ZDHHC21: variants seen among roughly 807,000 people sequenced by gnomAD.
ZDHHC21 encodes zDHHC palmitoyltransferase 21.
In ZDHHC21, 15 loss-of-function variants were observed where a neutral mutation model predicts 34.6. The observed-to-expected ratio is 0.43, with a 90% CI of 0.29 to 0.67. The LOEUF (loss-of-function observed/expected upper bound fraction) is 0.67, where lower values mean the gene tolerates loss of function less well. ZDHHC21 is among the 30% of genes least tolerant of loss of function. The probability of loss-of-function intolerance (pLI) is 0.14; values close to 1 mark genes in which losing one functional copy is unlikely to be tolerated. For synonymous variants in ZDHHC21, 142 were observed against 101.8 expected (o/e 1.40, Z -2.38); for missense variants, 344 against 327.7 (o/e 1.05, Z -0.38).
intron 5 of ZDHHC21, among the ~76,000 whole-genome samples, chr9:14,662,586 T>C (rs1239046273): frequency 6.6e-6 from 1 of 152,178 alleles, no homozygotes; most frequent in African/African-American, 2.4e-5. Context: ...CAGAAAACAA[T>C]GTATTTGGAT....
chr9:14,619,791 A>T (rs1824960242), intron 8 of ZDHHC21, 109 bp from the exon 9 acceptor site: 1 of 643,538 alleles, frequency 1.6e-6, no homozygotes, highest in South Asian at 2.8e-5. Context: ...CTATAGATTT[A>T]AACAGTTTAT....
chr9:14,599,743 C>T, the ZDHHC21 span, among the ~76,000 whole-genome samples: 1 of 152,088 alleles, frequency 6.6e-6, no homozygotes, highest in African/African-American at 2.4e-5. Context: ...CTGAAGTCAA[C>T]CTGGGATGCT....
chr9:14,672,047 T>C (rs1048404334), intron 5 of ZDHHC21, among the ~76,000 whole-genome samples: 2 of 152,128 alleles, frequency 1.3e-5, no homozygotes, highest in African/African-American at 4.8e-5. Flanking sequence ...AAATGGAACA[T>C]TTCCTTATAT....
chr9:14,612,680 ATCTCTCTCTCTG>A lies in ZDHHC21; in HGVS notation c.*6274_*6285del, dbSNP rs760459691. 4 of 151,422 alleles carry A rather than the reference ATCTCTCTCTCTG, an allele frequency of 2.6e-5. No homozygotes were observed. Among genetic ancestry groups the A allele is most frequent in the African/African-American group, 9.7e-5 (4 of 41,372 alleles). 9.4% of individuals were successfully genotyped at this position (151,422 alleles called of 1,614,324 possible). On this transcript the variant is annotated 3_prime_UTR_variant, in exon 10 of 10. Transcript: ENST00000380916. ...CATATGCATTTCCTCTTGGGAAAGC[ATCTCTCTCTCTG>A]TCTCTCTCTCTGTCTGTCTGTCTCT...
At chr9:14,690,586 T>C (rs1049150182) in intron 1 of ZDHHC21, among the ~76,000 whole-genome samples, 6 of 152,156 alleles carry the variant, frequency 3.9e-5, no homozygotes, top group East Asian at 1.9e-4. Context: ...CTGAGAGAAA[T>C]AGCACAGAGG....
At position 14,662,321 on chromosome 9, in the gene ZDHHC21, C is replaced by T. The variant is rs61758381; in HGVS notation, c.259G>A (p.Glu87Lys). Reference sequence around the variant, plus strand: ...CACTTGTTACATAATTCCCAGAACTCCCTTTCTAAAGAAAAGAAATTAAAA... The same window carrying T: ...CACTTGTTACATAATTCCCAGAACTTCCTTTCTAAAGAAAAGAAATTAAAA... ...ENPKIPHGER[E>K]FWELCNKCNL... Residue 87 changes from glutamate to lysine, a missense_variant, in exon 6 of 10, where the codon GAG (glutamate) becomes AAG (lysine). Transcript: ENST00000380916. The T allele has an allele frequency of 2.5e-3, 4,079 of 1,603,058 alleles. 7 individuals carry two copies. The highest frequency in any genetic ancestry group is 3.1e-3 in the Non-Finnish European group (3,640 of 1,176,190).
At chr9:14,662,348 C>T in intron 5 of ZDHHC21, 22 bp from the exon 6 acceptor site, 1 of 1,568,396 alleles carries the variant, frequency 6.4e-7, no homozygotes, top group Non-Finnish European at 8.7e-7. Context: ...AAATTAAAAT[C>T]CATTTAATGA....
the ZDHHC21 span, among the ~76,000 whole-genome samples, chr9:14,600,660 C>G: frequency 6.6e-6 from 1 of 151,804 alleles, no homozygotes; most frequent in East Asian, 1.9e-4. Context: ...TTAAATTTCA[C>G]ATGGAACAAA....
At position 14,674,329 on chromosome 9, in the gene ZDHHC21, C is replaced by T. The variant is rs889158876; in HGVS notation, c.12G>A (p.Arg4=). 6.3e-7 allele frequency: 1 copy of T among 1,593,868 alleles called. No homozygotes were observed. Among genetic ancestry groups the T allele is most frequent in the Non-Finnish European group, 8.5e-7 (1 of 1,172,280 alleles). MGL[R]IHFVVDPHGW... is the part of the protein sequence containing the mutation. ...CATGTGGGTCAACAACAAAGTGAATCCGGAGACCCATTTTGCAATCTTATA... is the reference window on the plus strand; with the variant it reads ...CATGTGGGTCAACAACAAAGTGAATTCGGAGACCCATTTTGCAATCTTATA... Residue 4 remains arginine, a synonymous_variant, in exon 4 of 10, where the codon CGG becomes CGA. Transcript: ENST00000380916.
At chr9:14,591,204 T>C in the ZDHHC21 span, among the ~76,000 whole-genome samples, 3 of 152,138 alleles carry the variant, frequency 2.0e-5, no homozygotes, top group Non-Finnish European at 2.9e-5. Context: ...TAGAACACTA[T>C]AATTTGAATG....
chr9:14,623,613 C>T (rs532245902), intron 8 of ZDHHC21, among the ~76,000 whole-genome samples: 1 of 138,750 alleles, frequency 7.2e-6, no homozygotes, highest in African/African-American at 2.7e-5. Flanking sequence ...GGTTAATACC[C>T]AGAATACATA....
At chr9:14,623,500 G>C (rs1825671254) in intron 8 of ZDHHC21, among the ~76,000 whole-genome samples, 1 of 151,744 alleles carries the variant, frequency 6.6e-6, no homozygotes, top group Non-Finnish European at 1.5e-5. Context: ...CTGCACTCCA[G>C]CTTAGGTGAT....
chr9:14,611,529 A>C lies in ZDHHC21; in HGVS notation c.*7437T>G, dbSNP rs570322086. ...ATCTATACATATTATGTACTGAATA[A>C]TAAAATGCCTGACAAATTTAAAAAC... On this transcript the variant is annotated 3_prime_UTR_variant, in exon 10 of 10. Coordinates refer to ENST00000380916, the MANE Select transcript of ZDHHC21 (RefSeq NM_178566.6). 1 of 152,174 alleles carries C rather than the reference A, an allele frequency of 6.6e-6. No individual in the cohort carries two copies. Among genetic ancestry groups the C allele is most frequent in the East Asian group, 1.9e-4 (1 of 5,172 alleles). 9.4% of individuals were successfully genotyped at this position (152,174 alleles called of 1,614,324 possible). A position where few individuals can be genotyped will look rare whatever the true frequency, so the allele number is the denominator to read the frequency against.
At chr9:14,662,083 T>C in intron 6 of ZDHHC21, 132 bp downstream of exon 6, 3 of 536,564 alleles carry the variant, frequency 5.6e-6, no homozygotes, top group Non-Finnish European at 9.3e-6. Context: ...ATAATCTAAA[T>C]AAAGATATCC....
At chr9:14,604,862 A>G in the ZDHHC21 span, among the ~76,000 whole-genome samples, 2 of 152,120 alleles carry the variant, frequency 1.3e-5, no homozygotes, top group African/African-American at 4.8e-5. Context: ...TACCTTTTGA[A>G]CAGCAGTTCC....
rs1586838021 is a variant in ZDHHC21, at chr9:14,612,608, T to C, written c.*6358A>G. ...AGTAACCATATCCAGACTTTTTTCT[T>C]TCATTAAGTTCAATTTTCTGTTATC... On this transcript the variant is annotated 3_prime_UTR_variant, in exon 10 of 10. Transcript: ENST00000380916. 1 of 151,888 alleles carries C rather than the reference T, an allele frequency of 6.6e-6. No homozygotes were observed. Among genetic ancestry groups the C allele is most frequent in the East Asian group, 1.9e-4 (1 of 5,188 alleles). 9.4% of individuals were successfully genotyped at this position (151,888 alleles called of 1,614,324 possible).
At chr9:14,663,084 T>C (rs983682368) in intron 5 of ZDHHC21, among the ~76,000 whole-genome samples, 3 of 152,208 alleles carry the variant, frequency 2.0e-5, no homozygotes, top group Non-Finnish European at 4.4e-5. Flanking sequence ...ACACAAAGTT[T>C]GCATAAGAGA....
intron 8 of ZDHHC21, among the ~76,000 whole-genome samples, chr9:14,638,638 G>T (rs1272228948): frequency 6.6e-6 from 1 of 151,348 alleles, no homozygotes; most frequent in Non-Finnish European, 1.5e-5. Flanking sequence ...GCTTGACAAG[G>T]GACACTACCC....
chr9:14,682,032 T>A (rs147419327), intron 2 of ZDHHC21, among the ~76,000 whole-genome samples: 2 of 151,984 alleles, frequency 1.3e-5, no homozygotes, highest in African/African-American at 4.8e-5. Flanking sequence ...CAAGAGCTCC[T>A]GAAGGAAGCA....
Sources: gnomAD v4.1 joint callset for allele counts (sites outside exome capture counted in the v4.1 genomes callset) on GRCh38, gnomAD v4.1.1 for gene constraint, MANE v1.5 for transcripts, NCBI Gene and HGNC (gene_info 2026-07-23, HGNC 2026-07-21) for gene names.